TMIGD3: variants seen among roughly 807,000 people sequenced by gnomAD.
TMIGD3 encodes the protein AD026 protein (AD026).
Under a neutral mutation model 28.1 loss-of-function variants are expected in TMIGD3, and 21 were observed. That is an observed-to-expected ratio of 0.75 (90% confidence interval 0.53 to 1.08). The LOEUF is 1.08. Among genes scored for constraint, TMIGD3 ranks in the 50% least tolerant of loss-of-function variants. The probability of loss-of-function intolerance (pLI) is 0.00; values close to 1 mark genes in which losing one functional copy is unlikely to be tolerated. For missense variants in TMIGD3, 416 were observed against 435.6 expected (o/e 0.96, Z 0.40); for synonymous variants, 151 against 162.1 (o/e 0.93, Z 0.52).
chr1:111,500,710 A>G (rs2100978338), intron 1 of TMIGD3: 1 of 710,588 alleles, frequency 1.4e-6, no homozygotes, highest in Non-Finnish European at 2.3e-6. Context: ...TTGATATCCT[A>G]TGGTGATTCC....
chr1:111,492,813 CAAAAAA>C (rs34093957), intron 1 of TMIGD3, among the ~76,000 whole-genome samples: 1 of 103,226 alleles, frequency 9.7e-6, no homozygotes, highest in South Asian at 3.2e-4. Context: ...GATGCTGTCT[CAAAAAA>C]AAAAAAAAAA....
rs560683012 is a variant in TMIGD3 at position 111,561,440 on chromosome 1, T to C, written c.107+2406A>G. On this transcript the variant is annotated intron_variant, in intron 1 of 5. Transcript: ENST00000369717. ...CCCAGCTCCAATCATTAATTTTAGA[T>C]GGAGGATCTGGTGGCCAGCTGGCAG... is the stretch of plus-strand genomic sequence containing the variant. Among the ~76,000 whole-genome samples, 3 of 152,230 alleles carry C rather than the reference T, an allele frequency of 2.0e-5. No individual in the cohort carries two copies. In the East Asian group the frequency reaches 5.8e-4, roughly 29 times the overall value.
At chr1:111,485,902 C>G in intron 4 of TMIGD3, 62 bp from the exon 5 acceptor site, 3 of 1,340,356 alleles carry the variant, frequency 2.2e-6, no homozygotes, top group Non-Finnish European at 3.1e-6. Context: ...ATTCTCAGCT[C>G]TGGATCCCTT....
chr1:111,559,274 G>A (rs1019795509), intron 1 of TMIGD3, among the ~76,000 whole-genome samples: 1 of 151,968 alleles, frequency 6.6e-6, no homozygotes, highest in Non-Finnish European at 1.5e-5. Flanking sequence ...CAAGAAATTA[G>A]GACTAAAGCA....
At chr1:111,513,838 G>C (rs1407238367) in intron 1 of TMIGD3, among the ~76,000 whole-genome samples, 1 of 152,166 alleles carries the variant, frequency 6.6e-6, no homozygotes, top group Non-Finnish European at 1.5e-5. Flanking sequence ...TTGTTTCTGA[G>C]CAAATGGAAC....
intron 1 of TMIGD3, among the ~76,000 whole-genome samples, chr1:111,535,169 C>T (rs1656597432): frequency 6.6e-6 from 1 of 152,128 alleles, no homozygotes; most frequent in Non-Finnish European, 1.5e-5. Flanking sequence ...CATGAAGTAC[C>T]TCAACAGTGC....
At chr1:111,500,708 C>T (rs1453959529) in intron 1 of TMIGD3, 3 of 711,256 alleles carry the variant, frequency 4.2e-6, no homozygotes, top group African/African-American at 1.8e-5. Flanking sequence ...CATTGATATC[C>T]TATGGTGATT....
chr1:111,545,659 G>T (rs1414090233), intron 1 of TMIGD3, among the ~76,000 whole-genome samples: 1 of 151,850 alleles, frequency 6.6e-6, no homozygotes, highest in Non-Finnish European at 1.5e-5. Context: ...GTCTTTTATT[G>T]CTTGTGCTTT....
rs557514788 is a variant in TMIGD3 at position 111,484,596 on chromosome 1, G to T, written c.974-839C>A. Among the ~76,000 whole-genome samples the T allele has an allele frequency of 6.6e-5, 10 of 152,312 alleles. No homozygotes were observed. In the South Asian group the frequency reaches 1.5e-3, roughly 22 times the overall value. ...AGAATGCTGTGGGAGCCACTACTTT[G>T]CTTTTTTTAGGGCTCCTATTCTGAC... On this transcript the variant is annotated intron_variant, in intron 5 of 5. Transcript: ENST00000369716.
At chr1:111,484,428 A>T (rs901025766) in intron 5 of TMIGD3, among the ~76,000 whole-genome samples, 5 of 152,252 alleles carry the variant, frequency 3.3e-5, no homozygotes, top group Admixed American at 2.6e-4. Context: ...GTCACACCTT[A>T]AAAAAGTGAC....
chr1:111,483,922 C>G (rs571867291), intron 5 of TMIGD3, among the ~76,000 whole-genome samples, 165 bp from the exon 6 acceptor site: 1 of 152,166 alleles, frequency 6.6e-6, no homozygotes, highest in African/African-American at 2.4e-5. Context: ...CAAAGCCCAT[C>G]AGTAGGAAAG....
chr1:111,504,997 T>C (rs1271889613), upstream of TMIGD3: 1 of 985,360 alleles, frequency 1.0e-6, no homozygotes. Context: ...CCTGCACTGC[T>C]GGAACTTGAA....
In TMIGD3 at chr1:111,529,788, A is replaced by G. The variant is rs1656388821; in HGVS notation, c.107+34058T>C. Among the ~76,000 whole-genome samples, 4 of 152,054 alleles carry G rather than the reference A, an allele frequency of 2.6e-5. No individual in the cohort carries two copies. In the South Asian group the frequency reaches 8.3e-4, roughly 32 times the overall value. Reference sequence around the variant, plus strand: ...TACCTCTTTCTACACAGACACGGCAACCATCTGATTTCTCAATCTTTTCCC... The same window carrying G: ...TACCTCTTTCTACACAGACACGGCAGCCATCTGATTTCTCAATCTTTTCCC... On this transcript the variant is annotated intron_variant, in intron 1 of 5. Transcript: ENST00000369717.
Position 111,488,663 on chromosome 1 carries a change from G to A in TMIGD3, c.805+14C>T, listed in dbSNP as rs761576077. The A allele has an allele frequency of 3.7e-6, 6 of 1,606,462 alleles. No homozygotes were observed. Among genetic ancestry groups the A allele is most frequent in the Admixed American group, 1.7e-5 (1 of 59,834 alleles). ...GTGGGTTACATCCAGCCAGACCCCAGGCAGGCTCCTTACCTTTCCCAGACC... is the reference window on the plus strand; with the variant it reads ...GTGGGTTACATCCAGCCAGACCCCAAGCAGGCTCCTTACCTTTCCCAGACC... On this transcript the variant is annotated intron_variant, in intron 3 of 5. Coordinates refer to ENST00000369716, the MANE Select transcript of TMIGD3 (RefSeq NM_020683.7).
chr1:111,506,390 G>A (rs984421817), upstream of TMIGD3, among the ~76,000 whole-genome samples: 2 of 152,232 alleles, frequency 1.3e-5, no homozygotes, highest in African/African-American at 4.8e-5. Context: ...ACTACTCAGT[G>A]TTAAGCAGCT....
upstream of TMIGD3, among the ~76,000 whole-genome samples, chr1:111,504,310 G>A (rs929660156): frequency 4.1e-4 from 62 of 152,320 alleles, no homozygotes; most frequent in African/African-American, 1.4e-3. Context: ...ATAGCAGAAT[G>A]ACCAGACATA....
intron 5 of TMIGD3, chr1:111,485,497 CTCCTTCCT>C: frequency 5.0e-6 from 2 of 401,772 alleles, no homozygotes; most frequent in Non-Finnish European, 4.5e-6. Flanking sequence ...GTCTCAGGAC[CTCCTTCCT>C]TCCTGACCTA....
chr1:111,530,154 T>C (rs979328615), intron 1 of TMIGD3, among the ~76,000 whole-genome samples: 2 of 152,230 alleles, frequency 1.3e-5, no homozygotes, highest in African/African-American at 4.8e-5. Context: ...GCTATAACTC[T>C]TTTTTATTAT....
At chr1:111,505,003 T>C, upstream of TMIGD3, 1 of 985,310 alleles carries the variant, frequency 1.0e-6, no homozygotes, top group East Asian at 1.1e-4. Flanking sequence ...CTGCTGGAAC[T>C]TGAAAAGCTT....
Sources: gnomAD v4.1 joint callset for allele counts (sites outside exome capture counted in the v4.1 genomes callset) on GRCh38, gnomAD v4.1.1 for gene constraint, MANE v1.5 for transcripts, NCBI Gene and HGNC (gene_info 2026-07-23, HGNC 2026-07-21) for gene names.